Variants in AMY2B observed in about 807,000 individuals in gnomAD.
AMY2B encodes amylase alpha 2B.
Under a neutral mutation model 59.3 loss-of-function variants are expected in AMY2B, and 63 were observed. The observed-to-expected ratio is 1.06, with a 90% CI of 0.87 to 1.31. The LOEUF is 1.31. Among genes scored for constraint, AMY2B ranks in the 50% most tolerant of loss-of-function variants. AMY2B has a pLI of 0.00. For missense variants in AMY2B, 635 were observed against 626.7 expected (o/e 1.01, Z -0.14); for synonymous variants, 180 against 198.1 (o/e 0.91, Z 0.77).
chr1:103,566,486 C>T (rs1450020820), intron 2 of AMY2B, among the ~76,000 whole-genome samples: 3 of 152,184 alleles, frequency 2.0e-5, no homozygotes. Flanking sequence ...TATGTTATTT[C>T]AACCTGTAAA....
At chr1:103,561,703 A>C (rs1259616347) in intron 1 of AMY2B, 1 of 152,008 alleles carries the variant, frequency 6.6e-6, no homozygotes, top group Non-Finnish European at 1.5e-5. Context: ...AGGGAAAAGA[A>C]ATAGAGATTG....
rs1242976086 is a variant in AMY2B, at chr1:103,577,538, G to T, written c.1150G>T (p.Glu384Ter). 2.5e-6 allele frequency: 4 copies of T among 1,611,940 alleles called. No homozygotes were observed. The East Asian group carries it at 8.9e-5, about 36-fold the overall frequency. ...ACCAAATAATAATGGAGTAATTAAA[G>T]AAGTTACTATTAATCCAGACACTAC... ...GPPNNNGVIK[E>*]VTINPDTTCG... The change falls in exon 8 of 10, where the codon GAA becomes TAA. Residue 384 changes from glutamate (E) to a stop codon, truncating the protein, a stop_gained. Coordinates refer to ENST00000684275, the MANE Select transcript of AMY2B (RefSeq NM_001387437.1). LOFTEE classifies it high-confidence loss of function.
At chr1:103,575,953 A>G (rs1263811304) in intron 7 of AMY2B, among the ~76,000 whole-genome samples, 2 of 152,186 alleles carry the variant, frequency 1.3e-5, no homozygotes, top group Non-Finnish European at 2.9e-5. Flanking sequence ...ATATTTTTAA[A>G]AAGTTATATG....
upstream of AMY2B, among the ~76,000 whole-genome samples, chr1:103,566,852 T>G (rs776810994): frequency 2.0e-5 from 3 of 152,196 alleles, no homozygotes; most frequent in Non-Finnish European, 2.9e-5. Context: ...TCATTGATTT[T>G]TAGAAAATCA....
At position 103,575,297 on chromosome 1, in the gene AMY2B, G is replaced by A. The variant is rs374864399; in HGVS notation, c.953G>A (p.Arg318Gln). 7 of 1,613,588 alleles carry A rather than the reference G, an allele frequency of 4.3e-6. 1 individual carries two copies. Among genetic ancestry groups the A allele is most frequent in the Non-Finnish European group, 4.2e-6 (5 of 1,179,660 alleles). Residue 318 changes from arginine to glutamine, a missense_variant, in exon 6 of 10, where the codon CGA becomes CAA. By Grantham distance (43) the Arg-to-Gln change is conservative. Coordinates refer to ENST00000684275, the MANE Select transcript of AMY2B (RefSeq NM_001387437.1). ...LVFVDNHDNQ[R>Q]GHGAGGASIL... ...TTTGTGGATAACCATGACAATCAACGAGGACATGGGGCTGGAGGAGCCTCT... is the reference window on the plus strand; with the variant it reads ...TTTGTGGATAACCATGACAATCAACAAGGACATGGGGCTGGAGGAGCCTCT...
Position 103,579,530 on chromosome 1 carries a change from C to A in AMY2B, c.*30C>A, listed in dbSNP as rs762882847. 6.2e-7 allele frequency: 1 copy of A among 1,601,052 alleles called. No homozygotes were observed. Among genetic ancestry groups the A allele is most frequent in the South Asian group, 1.1e-5 (1 of 88,608 alleles). The stretch of plus-strand genomic sequence containing the variant: ...TAAAATTAAATGCATATCCTCAAAA[C>A]AATAGCCAAGTGTGTTTCTTTTCTT... On this transcript the variant is annotated 3_prime_UTR_variant, in exon 10 of 10. Transcript: ENST00000684275.
intron 5 of AMY2B, among the ~76,000 whole-genome samples, chr1:103,575,020 G>A (rs1033350443): frequency 6.7e-6 from 1 of 148,486 alleles, no homozygotes; most frequent in African/African-American, 2.5e-5. Flanking sequence ...TATGGTGTGT[G>A]TGTGTATATA....
At chr1:103,559,947 CAT>C (rs778875510) in intron 1 of AMY2B, among the ~76,000 whole-genome samples, 3 of 152,122 alleles carry the variant, frequency 2.0e-5, no homozygotes, top group Non-Finnish European at 4.4e-5. Flanking sequence ...TATGTGTAAA[CAT>C]GTATACAGAT....
chr1:103,560,676 C>G (rs1489522729), intron 1 of AMY2B, among the ~76,000 whole-genome samples: 1 of 152,154 alleles, frequency 6.6e-6, no homozygotes, highest in Non-Finnish European at 1.5e-5. Flanking sequence ...TACTTGAACA[C>G]TGTTTTATTC....
In AMY2B at chr1:103,572,245, A is replaced by T; in HGVS notation, c.304A>T (p.Asn102Tyr). ...ATTTAGAAACATGGTGACTAGATGT[A>T]ACAATGTTGGGGTAAGTGAATTCTA... Reference protein sequence around the residue: ...DEFRNMVTRCNNVGVRIYVDA... With the variant: ...DEFRNMVTRCYNVGVRIYVDA... The change falls in exon 2 of 10, where the codon AAC (asparagine) becomes TAC (tyrosine). Residue 102 changes from asparagine to tyrosine, a missense_variant. Coordinates refer to ENST00000684275, the MANE Select transcript of AMY2B (RefSeq NM_001387437.1). 6.2e-7 allele frequency: 1 copy of T among 1,611,242 alleles called. No individual in the cohort carries two copies. The highest frequency in any genetic ancestry group is 1.1e-5 in the South Asian group (1 of 90,866).
intron 1 of AMY2B, among the ~76,000 whole-genome samples, chr1:103,557,210 G>A (rs1651585434): frequency 6.6e-6 from 1 of 151,716 alleles, no homozygotes; most frequent in Non-Finnish European, 1.5e-5. Context: ...CATTGAATAA[G>A]CATCAGGAAA....
intron 7 of AMY2B, 130 bp downstream of exon 7, chr1:103,575,670 AT>A: frequency 1.5e-6 from 2 of 1,337,788 alleles, no homozygotes; most frequent in African/African-American, 1.5e-5. Flanking sequence ...TAGGGCTGCG[AT>A]TTTAGTAATG....
At chr1:103,557,154 A>G (rs1286644701) in intron 1 of AMY2B, among the ~76,000 whole-genome samples, 73 of 150,280 alleles carry the variant, frequency 4.9e-4, no homozygotes, top group East Asian at 7.9e-4. Flanking sequence ...GCGCGCGCAC[A>G]CACACACACA....
At chr1:103,556,046 G>C (rs187590724) in intron 1 of AMY2B, among the ~76,000 whole-genome samples, 1 of 152,234 alleles carries the variant, frequency 6.6e-6, no homozygotes, top group South Asian at 2.1e-4. Context: ...GTAAATAGGA[G>C]CATGTCAAAT....
Position 103,558,511 on chromosome 1 carries a change from G to A in AMY2B, c.-207+3402G>A, listed in dbSNP as rs183983792. Among the ~76,000 whole-genome samples, 9 of 152,074 alleles carry A rather than the reference G, an allele frequency of 5.9e-5. No individual in the cohort carries two copies. The Middle Eastern group carries it at 0.01, about 172-fold the overall frequency. Reference sequence around the variant, plus strand: ...ACTTGTTCAATGGTCCAGACTTTGGGTTCTAAATAATCAGTAATATTTCAA... The same window carrying A: ...ACTTGTTCAATGGTCCAGACTTTGGATTCTAAATAATCAGTAATATTTCAA... On this transcript the variant is annotated intron_variant, in intron 1 of 11. Transcript: ENST00000361355.
At chr1:103,572,383 A>T (rs1206583743) in intron 2 of AMY2B, 127 bp downstream of exon 2, 13 of 1,463,956 alleles carry the variant, frequency 8.9e-6, no homozygotes, top group Middle Eastern at 2.6e-4. Flanking sequence ...ATACTTTAAA[A>T]CTCAAAATTA....
intron 4 of AMY2B, 54 bp downstream of exon 4, chr1:103,573,992 T>C: frequency 6.2e-7 from 1 of 1,612,472 alleles, no homozygotes; most frequent in Non-Finnish European, 8.5e-7. Flanking sequence ...TAGAAAATAA[T>C]GGCAGATTTA....
Position 103,560,220 on chromosome 1 carries a change from T to C in AMY2B, c.-207+5111T>C, listed in dbSNP as rs1197893584. 2.0e-5 allele frequency among the ~76,000 whole-genome samples: 3 copies of C among 152,290 alleles called. No homozygotes were observed. In the East Asian group the frequency reaches 5.8e-4, roughly 29 times the overall value. ...TCTCTCATAATTGTAGATTTCCCTA[T>C]TATTGTACTGTCAATATTTTTGCTT... On this transcript the variant is annotated intron_variant, in intron 1 of 11. Transcript: ENST00000361355.
At chr1:103,560,868 G>C (rs1015604780) in intron 1 of AMY2B, among the ~76,000 whole-genome samples, 2 of 151,998 alleles carry the variant, frequency 1.3e-5, no homozygotes, top group African/African-American at 2.4e-5. Context: ...CAATGAAAGG[G>C]AATATAAGAC....
Sources: allele counts gnomAD v4.1 joint callset (sites outside exome capture counted in the v4.1 genomes callset), GRCh38; gene constraint gnomAD v4.1.1; transcripts MANE v1.5; gene names NCBI Gene and HGNC (gene_info 2026-07-23, HGNC 2026-07-21).